ZCCHC7: variants seen among roughly 807,000 people sequenced by gnomAD.
ZCCHC7 encodes zinc finger CCHC domain-containing protein 7.
Under a neutral mutation model 52.0 loss-of-function variants are expected in ZCCHC7, and 35 were observed. The observed-to-expected ratio is 0.67, with a 90% CI of 0.51 to 0.89. The LOEUF (loss-of-function observed/expected upper bound fraction) is 0.89. ZCCHC7 is among the 40% of genes least tolerant of loss of function. The pLI is 0.00. For missense variants in ZCCHC7, 574 were observed against 649.1 expected (o/e 0.88, Z 1.26); for synonymous variants, 217 against 221.5 (o/e 0.98, Z 0.18).
At chr9:37,252,335 CT>C (rs1826367931) in intron 2 of ZCCHC7, among the ~76,000 whole-genome samples, 2 of 152,168 alleles carry the variant, frequency 1.3e-5, no homozygotes, top group African/African-American at 4.8e-5. Context: ...TTTATGAAAT[CT>C]ATCTTCAATT....
At chr9:37,193,235 A>G (rs1231633037) in intron 2 of ZCCHC7, among the ~76,000 whole-genome samples, 2 of 152,220 alleles carry the variant, frequency 1.3e-5, no homozygotes, top group Non-Finnish European at 2.9e-5. Flanking sequence ...AATAACTTTA[A>G]CATTTTAACA....
Position 37,357,972 on chromosome 9 carries a change from G to C in ZCCHC7, c.*704G>C, listed in dbSNP as rs1336315832. 6.6e-6 allele frequency: 1 copy of C among 152,050 alleles called. No individual in the cohort carries two copies. The highest frequency in any genetic ancestry group is 2.4e-5 in the African/African-American group (1 of 41,386). The allele number at this position is 152,050 out of a possible 1,614,324, so 9.4% of individuals were successfully genotyped here. On this transcript the variant is annotated 3_prime_UTR_variant, in exon 9 of 9. Transcript: ENST00000336755. ...CATTTTTTACCACTTTTACAGCGGT[G>C]TTTCAAGCGGACTGTCACTCAGATC...
intron 2 of ZCCHC7, among the ~76,000 whole-genome samples, chr9:37,161,036 A>T (rs1270744626): frequency 6.7e-6 from 1 of 149,570 alleles, no homozygotes; most frequent in South Asian, 2.1e-4. Context: ...TGCACTCTCC[A>T]CCTCCTGGGT....
At chr9:37,132,729 C>G (rs565574791) in intron 2 of ZCCHC7, among the ~76,000 whole-genome samples, 2 of 152,350 alleles carry the variant, frequency 1.3e-5, no homozygotes, top group African/African-American at 4.8e-5. Context: ...TTTACATCCT[C>G]TCGTATACTT....
chr9:37,190,586 G>A (rs1429775430), intron 2 of ZCCHC7, among the ~76,000 whole-genome samples: 1 of 152,230 alleles, frequency 6.6e-6, no homozygotes, highest in South Asian at 2.1e-4. Context: ...GGTAGTGTGT[G>A]CTTATTCCAT....
chr9:37,268,362 A>G (rs1194246055), intron 2 of ZCCHC7, among the ~76,000 whole-genome samples: 1 of 151,886 alleles, frequency 6.6e-6, no homozygotes, highest in Non-Finnish European at 1.5e-5. Flanking sequence ...CAAAGTAGTA[A>G]ACTTCAAAAG....
chr9:37,178,866 A>C (rs1276764987), intron 2 of ZCCHC7, among the ~76,000 whole-genome samples: 1 of 152,226 alleles, frequency 6.6e-6, no homozygotes, highest in Non-Finnish European at 1.5e-5. Context: ...TAAATAAGGT[A>C]GATTGAGAAA....
At chr9:37,155,243 C>T (rs1349305281) in intron 2 of ZCCHC7, among the ~76,000 whole-genome samples, 1 of 152,092 alleles carries the variant, frequency 6.6e-6, no homozygotes, top group Non-Finnish European at 1.5e-5. Context: ...CGCACGTAGT[C>T]CCGGCTACTC....
At chr9:37,326,075 T>C (rs188433672) in intron 5 of ZCCHC7, 38 of 152,312 alleles carry the variant, frequency 2.5e-4, no homozygotes, top group Admixed American at 2.3e-3. Flanking sequence ...GAACTATCCA[T>C]AACTAATGTA....
intron 5 of ZCCHC7, among the ~76,000 whole-genome samples, chr9:37,319,113 T>C (rs1401365489): frequency 6.6e-6 from 1 of 152,212 alleles, no homozygotes; most frequent in Non-Finnish European, 1.5e-5. Flanking sequence ...TAGTTTTAGT[T>C]TGCATTTTCT....
intron 2 of ZCCHC7, among the ~76,000 whole-genome samples, chr9:37,278,022 G>A (rs1228602592): frequency 1.2e-5 from 1 of 86,184 alleles, no homozygotes; most frequent in African/African-American, 4.4e-5. Context: ...GTTTGTGTGT[G>A]TGTGTGTGTG....
intron 2 of ZCCHC7, among the ~76,000 whole-genome samples, chr9:37,231,344 G>A (rs1313610431): frequency 6.6e-6 from 1 of 152,150 alleles, no homozygotes; most frequent in East Asian, 1.9e-4. Flanking sequence ...GAATTATTTA[G>A]ATATTCCATA....
chr9:37,152,173 T>C (rs1820564461), intron 2 of ZCCHC7, among the ~76,000 whole-genome samples: 1 of 152,182 alleles, frequency 6.6e-6, no homozygotes, highest in South Asian at 2.1e-4. Context: ...ATAACTTGCT[T>C]TGAATTAGGT....
chr9:37,205,571 C>CAG (rs1258152373), intron 2 of ZCCHC7, among the ~76,000 whole-genome samples: 1 of 152,232 alleles, frequency 6.6e-6, no homozygotes. Flanking sequence ...GGTTGCAATG[C>CAG]AGAGGCACAA....
intron 5 of ZCCHC7, among the ~76,000 whole-genome samples, chr9:37,307,738 TTAGAG>T (rs200044005): frequency 0.051 from 7,698 of 152,162 alleles, 631 homozygotes; most frequent in African/African-American, 0.17. Flanking sequence ...TTAAAACAGA[TTAGAG>T]TATGAGTGTT....
intron 2 of ZCCHC7, among the ~76,000 whole-genome samples, chr9:37,268,478 G>C (rs1827222793): frequency 6.6e-6 from 1 of 150,960 alleles, no homozygotes; most frequent in South Asian, 2.1e-4. Flanking sequence ...CCAGGCTGGA[G>C]TGCAGTGGCG....
intron 2 of ZCCHC7, among the ~76,000 whole-genome samples, chr9:37,169,231 AAC>A (rs1298273838): frequency 6.6e-6 from 1 of 152,206 alleles, no homozygotes; most frequent in African/African-American, 2.4e-5. Flanking sequence ...AATCTTTCTT[AAC>A]CTCTTTTGAG....
intron 2 of ZCCHC7, among the ~76,000 whole-genome samples, chr9:37,261,008 A>G (rs1208901722): frequency 6.6e-6 from 1 of 152,116 alleles, no homozygotes; most frequent in Non-Finnish European, 1.5e-5. Context: ...TGGTTGAAGG[A>G]AAGGGATCAT....
At chr9:37,232,358 T>C (rs1825449846) in intron 2 of ZCCHC7, among the ~76,000 whole-genome samples, 1 of 152,176 alleles carries the variant, frequency 6.6e-6, no homozygotes, top group African/African-American at 2.4e-5. Flanking sequence ...ATTTAACAAA[T>C]CTCATAGTTT....
Sources: gnomAD v4.1 joint callset for allele counts (sites outside exome capture counted in the v4.1 genomes callset) on GRCh38, gnomAD v4.1.1 for gene constraint, MANE v1.5 for transcripts, NCBI Gene and HGNC (gene_info 2026-07-23, HGNC 2026-07-21) for gene names.